SEMA5A: variants seen among roughly 807,000 people sequenced by gnomAD.
SEMA5A encodes the protein semaphorin-5A.
Under a neutral mutation model 135.5 loss-of-function variants are expected in SEMA5A, and 55 were observed. That is an observed-to-expected ratio of 0.41 (90% CI 0.33 to 0.51). The LOEUF is 0.51. SEMA5A is among the 20% of genes least tolerant of loss of function. The pLI is 0.37. For synonymous variants in SEMA5A, 580 were observed against 546.5 expected (o/e 1.06, Z -0.85); for missense variants, 1,290 against 1,419.9 (o/e 0.91, Z 1.47).
rs1222499975 is a variant in SEMA5A, at chr5:9,437,765, A to G, written c.-87T>C. On this transcript the variant is annotated 5_prime_UTR_variant, in exon 2 of 23. Coordinates refer to ENST00000382496, the MANE Select transcript of SEMA5A (RefSeq NM_003966.3). The stretch of plus-strand genomic sequence containing the variant: ...TAGATGTCTCACTTACCAAGGAGAG[A>G]GAGGATGGAGGACGCGTTTCCTCAA... 1 of 152,442 alleles carries G rather than the reference A, an allele frequency of 6.6e-6. No homozygotes were observed. Among genetic ancestry groups the G allele is most frequent in the Non-Finnish European group, 1.5e-5 (1 of 68,046 alleles). 9.4% of individuals were successfully genotyped at this position (152,442 alleles called of 1,614,324 possible). A position where few individuals can be genotyped will look rare whatever the true frequency, so the allele number is the denominator to read the frequency against.
At chr5:9,254,126 T>C (rs1768449668) in intron 5 of SEMA5A, among the ~76,000 whole-genome samples, 2 of 152,194 alleles carry the variant, frequency 1.3e-5, no homozygotes, top group Admixed American at 1.3e-4. Flanking sequence ...TATTCCTACA[T>C]AGTCAGTGGA....
chr5:9,036,587 A>C lies in SEMA5A; in HGVS notation c.*6310T>G, dbSNP rs1237288471. Reference sequence around the variant, plus strand: ...AACATGTAAAAATTAAAGTGATGTTAGTTTCTAGAAGGCTAATACTGAAGT... The same window carrying C: ...AACATGTAAAAATTAAAGTGATGTTCGTTTCTAGAAGGCTAATACTGAAGT... On this transcript the variant is annotated 3_prime_UTR_variant, in exon 23 of 23. Transcript: ENST00000382496. The C allele has an allele frequency of 6.6e-6, 1 of 152,332 alleles. No individual in the cohort carries two copies. The highest frequency in any genetic ancestry group is 6.5e-5 in the Admixed American group (1 of 15,272). The allele number at this position is 152,332 out of a possible 1,614,324, so 9.4% of individuals were successfully genotyped here. A position where few individuals can be genotyped will look rare whatever the true frequency, so the allele number is the denominator to read the frequency against.
intron 1 of SEMA5A, among the ~76,000 whole-genome samples, chr5:9,533,945 G>T (rs572830023): frequency 6.6e-6 from 1 of 152,226 alleles, no homozygotes; most frequent in African/African-American, 2.4e-5. Flanking sequence ...CCGCAAACCA[G>T]CAGAAGTCAA....
intron 8 of SEMA5A, among the ~76,000 whole-genome samples, chr5:9,214,706 G>A (rs184732153): frequency 8.7e-4 from 132 of 152,310 alleles, no homozygotes; most frequent in African/African-American, 3.1e-3. Flanking sequence ...GCCACAGCAT[G>A]TCATGCTCTG....
intron 5 of SEMA5A, among the ~76,000 whole-genome samples, chr5:9,298,847 C>T (rs1252004747): frequency 2.0e-5 from 3 of 152,020 alleles, no homozygotes; most frequent in Admixed American, 6.6e-5. Context: ...TTTAAAATAC[C>T]CCATTGTTAT....
At chr5:9,326,646 G>C (rs1183009306) in intron 4 of SEMA5A, among the ~76,000 whole-genome samples, 1 of 152,180 alleles carries the variant, frequency 6.6e-6, no homozygotes, top group Non-Finnish European at 1.5e-5. Context: ...GCTGGGCGTA[G>C]TGGTGCACAA....
At chr5:9,145,308 G>A (rs1202065770) in intron 12 of SEMA5A, among the ~76,000 whole-genome samples, 1 of 152,182 alleles carries the variant, frequency 6.6e-6, no homozygotes, top group Non-Finnish European at 1.5e-5. Context: ...ACAGGGTTGA[G>A]AAATAAGATA....
chr5:9,040,001 C>A lies in SEMA5A; in HGVS notation c.*2896G>T, dbSNP rs786844. On this transcript the variant is annotated 3_prime_UTR_variant, in exon 23 of 23. Coordinates refer to ENST00000382496, the MANE Select transcript of SEMA5A (RefSeq NM_003966.3). The stretch of plus-strand genomic sequence containing the variant: ...TTTAAATGTAAGACTAAAGCCAAGC[C>A]AGCTTCCTCATGAAAACCAGCCTAT... 2.0e-5 allele frequency: 3 copies of A among 152,114 alleles called. No homozygotes were observed. The highest frequency in any genetic ancestry group is 2.0e-4 in the Admixed American group (3 of 15,282). The allele number at this position is 152,114 out of a possible 1,614,324, so 9.4% of individuals were successfully genotyped here. A position where few individuals can be genotyped will look rare whatever the true frequency, so the allele number is the denominator to read the frequency against.
chr5:9,497,721 C>G (rs899399616), intron 1 of SEMA5A, among the ~76,000 whole-genome samples: 1 of 152,174 alleles, frequency 6.6e-6, no homozygotes, highest in Non-Finnish European at 1.5e-5. Context: ...ATATCTTCCT[C>G]AAGGTCACAC....
chr5:9,059,153 T>A (rs1737047469), intron 18 of SEMA5A, among the ~76,000 whole-genome samples: 1 of 151,486 alleles, frequency 6.6e-6, no homozygotes. Context: ...CATTAGGTTT[T>A]TACCTTCATT....
rs140987292 is a variant in SEMA5A at position 9,257,327 on chromosome 5, G to T, written c.271-19437C>A. 2.8e-3 allele frequency among the ~76,000 whole-genome samples: 431 copies of T among 152,284 alleles called. 6 individuals carry two copies. Among genetic ancestry groups the T allele is most frequent in the African/African-American group, 0.01 (418 of 41,564 alleles). On this transcript the variant is annotated intron_variant, in intron 5 of 22. Transcript: ENST00000382496. ...TCAATTGTTCCTTGGATGGAAAGTA[G>T]CTCACCTTTTACTGTCAGCAGGACA...
At chr5:9,177,546 T>A (rs1424738788) in intron 11 of SEMA5A, among the ~76,000 whole-genome samples, 1 of 152,226 alleles carries the variant, frequency 6.6e-6, no homozygotes, top group African/African-American at 2.4e-5. Flanking sequence ...GTCAGTGCCT[T>A]GACTTGGCCT....
intron 2 of SEMA5A, among the ~76,000 whole-genome samples, chr5:9,423,745 A>G (rs185668449): frequency 3.9e-4 from 60 of 152,362 alleles, no homozygotes; most frequent in Middle Eastern, 3.4e-3. Flanking sequence ...CTTGCAGGGA[A>G]TCACACACTG....
At chr5:9,208,262 T>C (rs1190253373) in intron 8 of SEMA5A, among the ~76,000 whole-genome samples, 1 of 117,526 alleles carries the variant, frequency 8.5e-6, no homozygotes, top group Admixed American at 8.6e-5. Context: ...ATTCCGTATA[T>C]CAAATTAAGA....
intron 1 of SEMA5A, chr5:9,517,037 A>G (rs1264751551): frequency 6.6e-6 from 1 of 152,246 alleles, no homozygotes; most frequent in Non-Finnish European, 1.5e-5. Flanking sequence ...CTTCATGACT[A>G]TCATATCAAT....
intron 11 of SEMA5A, among the ~76,000 whole-genome samples, chr5:9,161,874 G>T (rs1261532717): frequency 1.3e-5 from 2 of 152,222 alleles, no homozygotes; most frequent in African/African-American, 2.4e-5. Context: ...GATGATGGAG[G>T]TTCACCAAGG....
chr5:9,215,987 C>A (rs1385014215), intron 8 of SEMA5A, among the ~76,000 whole-genome samples: 1 of 152,080 alleles, frequency 6.6e-6, no homozygotes. Flanking sequence ...ATGATGCATA[C>A]CTGAGCTAGG....
intron 2 of SEMA5A, among the ~76,000 whole-genome samples, chr5:9,423,676 T>C (rs1056922813): frequency 2.0e-5 from 3 of 152,242 alleles, no homozygotes; most frequent in African/African-American, 7.2e-5. Context: ...ATCCTGAGCT[T>C]CACAGGTTTG....
chr5:9,298,356 A>T (rs1751443708), intron 5 of SEMA5A, among the ~76,000 whole-genome samples: 1 of 151,708 alleles, frequency 6.6e-6, no homozygotes, highest in Admixed American at 6.6e-5. Context: ...GAGGAAGAAG[A>T]CTCCCCTAGA....
Sources: allele counts gnomAD v4.1 joint callset (sites outside exome capture counted in the v4.1 genomes callset), GRCh38; gene constraint gnomAD v4.1.1; transcripts MANE v1.5; gene names NCBI Gene and HGNC (gene_info 2026-07-23, HGNC 2026-07-21).